Variants in SPATA18 observed in about 807,000 individuals in gnomAD.
SPATA18 encodes the protein mitochondria-eating protein.
In SPATA18, 54 loss-of-function variants were observed where a neutral mutation model predicts 68.1. The ratio of observed to expected loss-of-function variants is 0.79; its 90% CI spans 0.64 to 0.99. The LOEUF is 0.99. SPATA18 is among the 50% of genes least tolerant of loss of function. SPATA18 has a pLI of 0.00. For synonymous variants in SPATA18, 242 were observed against 244.8 expected, an observed-to-expected ratio of 0.99 and a Z score of 0.11; for missense variants, 724 against 681.1, an observed-to-expected ratio of 1.06 and a Z score of -0.70.
intron 4 of SPATA18, among the ~76,000 whole-genome samples, chr4:52,069,515 A>G (rs1460554): frequency 0.6 from 91,992 of 152,088 alleles, 30,900 homozygotes; most frequent in Middle Eastern, 0.8. Flanking sequence ...TGAATTAGGC[A>G]GGTGAGAAGG....
chr4:52,073,640 G>GT (rs1177052369), intron 6 of SPATA18, among the ~76,000 whole-genome samples: 2 of 152,128 alleles, frequency 1.3e-5, no homozygotes, highest in African/African-American at 4.8e-5. Flanking sequence ...AATTAGCTGG[G>GT]TATGCCTGTG....
Position 52,069,812 on chromosome 4 carries a change from A to G in SPATA18, c.423-9A>G, listed in dbSNP as rs770136673. ...AAAATCTATCTTTAGTTACTGATTT[A>G]TCTTACAGTCTGGTTGAAACTGAAA... On this transcript the variant is annotated splice_polypyrimidine_tract_variant and intron_variant, in intron 4 of 12. Transcript: ENST00000295213. 6.4e-7 allele frequency: 1 copy of G among 1,561,584 alleles called. No individual in the cohort carries two copies.
chr4:52,055,762 C>A (rs562972860), intron 1 of SPATA18, among the ~76,000 whole-genome samples: 1 of 152,272 alleles, frequency 6.6e-6, no homozygotes, highest in East Asian at 1.9e-4. Flanking sequence ...TTTCCTGAAA[C>A]TTCGTGGCCC....
Position 52,094,560 on chromosome 4 carries a change from T to C in SPATA18, c.1597T>C (p.Cys533Arg). 3 of 1,613,756 alleles carry C rather than the reference T, an allele frequency of 1.9e-6. No homozygotes were observed. Among genetic ancestry groups the C allele is most frequent in the South Asian group, 2.2e-5 (2 of 90,976 alleles). The change falls in exon 12 of 13, where the codon TGT (cysteine) becomes CGT (arginine). Residue 533 changes from cysteine to arginine, a missense_variant. Physicochemically the swap from Cys to Arg is radical, Grantham distance 180 (BLOSUM62 -3). Coordinates refer to ENST00000295213, the MANE Select transcript of SPATA18 (RefSeq NM_145263.4). ...SRSRSPSPIR[C>R]GLPRF The stretch of plus-strand genomic sequence containing the variant: ...AAGTCGGAGTCCTTCTCCAATAAGA[T>C]GTGGATTGCCAAGTAAGTGGGATTA...
At chr4:52,079,270 G>C (rs1267795580) in intron 8 of SPATA18, among the ~76,000 whole-genome samples, 1 of 152,042 alleles carries the variant, frequency 6.6e-6, no homozygotes, top group African/African-American at 2.4e-5. Flanking sequence ...TCCTTAAGTG[G>C]GAGTAACACT....
intron 4 of SPATA18, among the ~76,000 whole-genome samples, 178 bp downstream of exon 4, chr4:52,062,510 G>C (rs1035790533): frequency 2.6e-5 from 4 of 151,982 alleles, no homozygotes; most frequent in African/African-American, 9.7e-5. Context: ...GAGAGAGACA[G>C]AGAGAGAGAG....
intron 11 of SPATA18, among the ~76,000 whole-genome samples, chr4:52,086,450 G>A (rs1292367459): frequency 6.6e-6 from 1 of 152,002 alleles, no homozygotes; most frequent in East Asian, 1.9e-4. Context: ...AGTGTGTGAT[G>A]TTCCCCTCCC....
chr4:52,078,547 T>C (rs1740612351), intron 7 of SPATA18, 188 bp from the exon 8 acceptor site: 1 of 474,026 alleles, frequency 2.1e-6, no homozygotes, highest in Non-Finnish European at 3.7e-6. Flanking sequence ...CATGGATTAT[T>C]ATATGTTTAT....
intron 11 of SPATA18, among the ~76,000 whole-genome samples, chr4:52,089,894 C>T (rs979224402): frequency 7.9e-5 from 12 of 152,132 alleles, no homozygotes; most frequent in Admixed American, 5.2e-4. Flanking sequence ...GTTAAAGTCT[C>T]TCACTATTAT....
chr4:52,060,618 G>A, intron 2 of SPATA18, 94 bp downstream of exon 2: 1 of 1,330,024 alleles, frequency 7.5e-7, no homozygotes, highest in African/African-American at 1.5e-5. Flanking sequence ...GTGTGGTTGG[G>A]TTTCTCTCAC....
At chr4:52,052,485 C>G (rs1450314130) in intron 1 of SPATA18, among the ~76,000 whole-genome samples, 1 of 152,202 alleles carries the variant, frequency 6.6e-6, no homozygotes, top group Non-Finnish European at 1.5e-5. Context: ...TAATTCCCCC[C>G]TTCCCCCAAA....
rs527262492 is a variant in SPATA18, at chr4:52,086,418, C to A, written c.1563+1419C>A. Among the ~76,000 whole-genome samples, 50 of 152,226 alleles carry A rather than the reference C, an allele frequency of 3.3e-4. No individual in the cohort carries two copies. The South Asian group carries it at 0.01, about 31-fold the overall frequency. On this transcript the variant is annotated intron_variant, in intron 11 of 12. Transcript: ENST00000295213. The stretch of plus-strand genomic sequence containing the variant: ...ATGTTATCCCTCTCCTAGACCCTCA[C>A]CCCCAACCCCTGACAGGCCCCAGTG...
Position 52,082,473 on chromosome 4 carries a change from T to G in SPATA18, c.1442T>G (p.Ile481Ser). The G allele has an allele frequency of 6.2e-7, 1 of 1,614,130 alleles. No individual in the cohort carries two copies. The highest frequency in any genetic ancestry group is 8.5e-7 in the Non-Finnish European group (1 of 1,180,006). ...GCTCTCATGGAGAATGACTGTGTCA[T>G]TATGAAGGGAGAAGCTGTCACCAGG... The part of the protein sequence containing the change: ...WPALMENDCV[I>S]MKGEAVTRRG... The change falls in exon 10 of 13, where the codon ATT becomes AGT. Residue 481 changes from isoleucine (I) to serine (S), a missense_variant. By Grantham distance (142) the Ile-to-Ser change is moderately radical. Coordinates refer to ENST00000295213, the MANE Select transcript of SPATA18 (RefSeq NM_145263.4).
chr4:52,084,275 T>C (rs891198576), intron 10 of SPATA18, among the ~76,000 whole-genome samples: 1 of 152,134 alleles, frequency 6.6e-6, no homozygotes, highest in African/African-American at 2.4e-5. Context: ...CCTTCTTCTC[T>C]CCCATCAAGC....
At chr4:52,070,483 C>A (rs1192170231) in intron 5 of SPATA18, among the ~76,000 whole-genome samples, 1 of 134,754 alleles carries the variant, frequency 7.4e-6, no homozygotes, top group African/African-American at 2.9e-5. Context: ...AAACATTGAT[C>A]TTTTAAAGTT....
chr4:52,068,265 A>G (rs1320910780), intron 4 of SPATA18, among the ~76,000 whole-genome samples: 1 of 152,226 alleles, frequency 6.6e-6, no homozygotes, highest in Non-Finnish European at 1.5e-5. Flanking sequence ...TCCAATAGCC[A>G]TATTATGAAG....
chr4:52,067,006 G>C (rs1739372166), intron 4 of SPATA18, among the ~76,000 whole-genome samples: 1 of 152,004 alleles, frequency 6.6e-6, no homozygotes. Context: ...TATTCCCTTG[G>C]GTATATACCC....
At chr4:52,071,450 CAA>C (rs1739834638) in intron 5 of SPATA18, among the ~76,000 whole-genome samples, 1 of 152,096 alleles carries the variant, frequency 6.6e-6, no homozygotes, top group Non-Finnish European at 1.5e-5. Flanking sequence ...TTCAGAGAAT[CAA>C]AGATTCTAAT....
intron 1 of SPATA18, 97 bp from the exon 2 acceptor site, chr4:52,060,322 G>T: frequency 1.1e-6 from 1 of 899,332 alleles, no homozygotes; most frequent in Non-Finnish European, 1.7e-6. Context: ...GCATACCAGA[G>T]CCAGGCAGCT....
Sources: gnomAD v4.1 joint callset for allele counts (sites outside exome capture counted in the v4.1 genomes callset) on GRCh38, gnomAD v4.1.1 for gene constraint, MANE v1.5 for transcripts, NCBI Gene and HGNC (gene_info 2026-07-23, HGNC 2026-07-21) for gene names.